TMED7: variants seen among roughly 807,000 people sequenced by gnomAD.
The protein encoded by TMED7 is transmembrane emp24 domain-containing protein 7.
In TMED7, 8 loss-of-function variants were observed where a neutral mutation model predicts 23.4. The ratio of observed to expected loss-of-function variants is 0.34; its 90% CI spans 0.20 to 0.62. TMED7 has a LOEUF of 0.62. Ranked by LOEUF, TMED7 falls within the 20% of genes least tolerant of loss-of-function variation. The probability of loss-of-function intolerance (pLI) is 0.77; values close to 1 mark genes in which losing one functional copy is unlikely to be tolerated. For synonymous variants in TMED7, 121 were observed against 108.5 expected (o/e 1.12, Z -0.72); for missense variants, 232 against 279.1 (o/e 0.83, Z 1.20).
At chr5:115,625,192 T>C (rs1226367465) in intron 1 of TMED7, among the ~76,000 whole-genome samples, 6 of 152,182 alleles carry the variant, frequency 3.9e-5, no homozygotes, top group Non-Finnish European at 7.3e-5. Flanking sequence ...AGTCCTAATA[T>C]TGGTAAAACT....
chr5:115,625,058 T>C (rs1757154124), intron 1 of TMED7, among the ~76,000 whole-genome samples: 1 of 152,268 alleles, frequency 6.6e-6, no homozygotes, highest in Admixed American at 6.5e-5. Context: ...TTCTTTTTTA[T>C]ATAATCCCAA....
chr5:115,623,717 T>C (rs1279486511), intron 1 of TMED7, among the ~76,000 whole-genome samples: 1 of 152,178 alleles, frequency 6.6e-6, no homozygotes, highest in East Asian at 1.9e-4. Context: ...AACGGCTACT[T>C]ATCTTGCAGA....
intron 1 of TMED7, 24 bp downstream of exon 1, chr5:115,625,577 C>T (rs745434833): frequency 2.0e-6 from 3 of 1,528,922 alleles, no homozygotes; most frequent in Non-Finnish European, 2.6e-6. Flanking sequence ...AGTTGGGGCC[C>T]AGGGACTGCT....
At chr5:115,616,526 G>C in intron 2 of TMED7, 81 bp from the exon 3 acceptor site, 1 of 1,581,358 alleles carries the variant, frequency 6.3e-7, no homozygotes, top group South Asian at 1.1e-5. Flanking sequence ...CTTTCAATTT[G>C]ATCTCAATTC....
chr5:115,620,743 A>G (rs1481671002), intron 1 of TMED7, 63 bp from the exon 2 acceptor site: 11 of 1,323,328 alleles, frequency 8.3e-6, no homozygotes, highest in Non-Finnish European at 1.1e-5. Flanking sequence ...AGATTTAATC[A>G]GATTTCCTAT....
chr5:115,620,678 C>A lies in TMED7; in HGVS notation c.195G>T (p.Val65=). The A allele has an allele frequency of 6.9e-7, 1 of 1,444,566 alleles. No homozygotes were observed. 89.5% of individuals were successfully genotyped at this position (1,444,566 alleles called of 1,614,324 possible). Residue 65 remains valine, a splice_region_variant and synonymous_variant, in exon 2 of 3, where the codon GTG becomes GTT. Transcript: ENST00000456936. ...CTACATCATAGTGACCACCAGTAATCACCTGTAAGAGATTAAAAAAGAAAA... is the reference window on the plus strand; with the variant it reads ...CTACATCATAGTGACCACCAGTAATAACCTGTAAGAGATTAAAAAAGAAAA... The part of the protein sequence containing the change: ...QGTKCTLEFQ[V]ITGGHYDVDC...
chr5:115,620,264 A>C, intron 2 of TMED7, 171 bp downstream of exon 2: 11 of 898,290 alleles, frequency 1.2e-5, no homozygotes, highest in Non-Finnish European at 1.6e-5. Context: ...ATTATTTTTC[A>C]CTACAAAAGT....
intron 2 of TMED7, chr5:115,616,695 G>A (rs1756770835): frequency 3.7e-6 from 2 of 534,340 alleles, no homozygotes; most frequent in South Asian, 2.1e-5. Flanking sequence ...CACAGCCATG[G>A]CATCAGTAAG....
intron 2 of TMED7, among the ~76,000 whole-genome samples, chr5:115,619,718 T>G (rs543868529): frequency 1.9e-3 from 292 of 152,280 alleles, no homozygotes; most frequent in African/African-American, 6.3e-3. Context: ...TGAGATCAGA[T>G]GTAACAATCT....
chr5:115,625,591 C>G lies in TMED7; in HGVS notation c.192+10G>C, dbSNP rs2112581245. ...GAGTTGGGGCCCAGGGACTGCTAGG[C>G]CCCTGATACCTGGAACTCCAGGGTG... On this transcript the variant is annotated intron_variant, in intron 1 of 2. Transcript: ENST00000456936. The G allele has an allele frequency of 6.4e-7, 1 of 1,569,220 alleles. No individual in the cohort carries two copies. Among genetic ancestry groups the G allele is most frequent in the East Asian group, 2.5e-5 (1 of 40,506 alleles).
chr5:115,615,632 T>G lies in TMED7; in HGVS notation c.*577A>C, dbSNP rs928038084. The G allele has an allele frequency of 3.3e-5, 5 of 153,328 alleles. No homozygotes were observed. The highest frequency in any genetic ancestry group is 1.2e-4 in the African/African-American group (5 of 41,450). The allele number at this position is 153,328 out of a possible 1,614,324, so 9.5% of individuals were successfully genotyped here. On this transcript the variant is annotated 3_prime_UTR_variant, in exon 3 of 3. Coordinates refer to ENST00000456936, the MANE Select transcript of TMED7 (RefSeq NM_181836.6). Reference sequence around the variant, plus strand: ...AAAATAGCATAGCTGGTTTAAATTATAAACCCCAAAAACAAAAGTCTGACA... The same window carrying G: ...AAAATAGCATAGCTGGTTTAAATTAGAAACCCCAAAAACAAAAGTCTGACA...
chr5:115,620,566 T>G lies in TMED7; in HGVS notation c.307A>C (p.Asn103His). The G allele has an allele frequency of 6.2e-7, 1 of 1,607,604 alleles. No individual in the cohort carries two copies. The highest frequency in any genetic ancestry group is 8.5e-7 in the Non-Finnish European group (1 of 1,177,628). Reference protein sequence around the residue: ...YDSFTFTASKNGTYKFCFSNE... With the variant: ...YDSFTFTASKHGTYKFCFSNE... ...CTGAAGCAAAATTTGTATGTCCCAT[T>G]TTTGGAGGCTGTGAAGGTAAAACTA... The change falls in exon 2 of 3, where the codon AAT (asparagine) becomes CAT (histidine). Residue 103 changes from asparagine (N) to histidine (H), a missense_variant. Transcript: ENST00000456936.
At chr5:115,624,203 T>TA (rs1757127025) in intron 1 of TMED7, among the ~76,000 whole-genome samples, 1 of 152,220 alleles carries the variant, frequency 6.6e-6, no homozygotes, top group African/African-American at 2.4e-5. Context: ...TTATACTTTT[T>TA]ATCACAATTC....
intron 2 of TMED7, 125 bp from the exon 3 acceptor site, chr5:115,616,570 C>A: frequency 2.2e-6 from 3 of 1,364,226 alleles, no homozygotes; most frequent in Non-Finnish European, 3.0e-6. Flanking sequence ...ATCTGGCATT[C>A]ATTCATACAT....
At chr5:115,625,547 C>A (rs1268415282) in intron 1 of TMED7, 54 bp downstream of exon 1, 22 of 1,460,170 alleles carry the variant, frequency 1.5e-5, no homozygotes, top group Non-Finnish European at 3.6e-6. Flanking sequence ...TCAAGTTACA[C>A]CCCCAATCCT....
intron 2 of TMED7, among the ~76,000 whole-genome samples, chr5:115,619,431 A>C (rs1030871699): frequency 1.3e-5 from 2 of 152,214 alleles, no homozygotes; most frequent in Non-Finnish European, 2.9e-5. Context: ...TTAAGATGTT[A>C]ACGAATAAGT....
chr5:115,621,208 A>G (rs1419777125), intron 1 of TMED7, among the ~76,000 whole-genome samples: 1 of 152,228 alleles, frequency 6.6e-6, no homozygotes, highest in Non-Finnish European at 1.5e-5. Flanking sequence ...ATTACACCCC[A>G]TTCATACTTC....
chr5:115,623,310 A>T (rs747715298), intron 1 of TMED7, among the ~76,000 whole-genome samples: 57 of 152,202 alleles, frequency 3.7e-4, no homozygotes, highest in Non-Finnish European at 7.3e-4. Context: ...TTGCATTTTT[A>T]AATATTTTGC....
intron 2 of TMED7, among the ~76,000 whole-genome samples, chr5:115,616,770 G>A (rs1561588597): frequency 1.3e-5 from 2 of 152,236 alleles, no homozygotes; most frequent in East Asian, 3.9e-4. Context: ...GGTGACTACA[G>A]AATTTCCAGC....
Sources: allele counts gnomAD v4.1 joint callset (sites outside exome capture counted in the v4.1 genomes callset), GRCh38; gene constraint gnomAD v4.1.1; transcripts MANE v1.5; gene names NCBI Gene and HGNC (gene_info 2026-07-23, HGNC 2026-07-21).